Variants in ARHGAP42 observed in about 807,000 individuals in gnomAD.
ARHGAP42 encodes the protein Rho GTPase activating protein 42, also known as rho GTPase-activating protein 42.
A neutral mutation model predicts 125.0 loss-of-function variants in ARHGAP42; 63 were observed. That is an observed-to-expected ratio of 0.50 (90% confidence interval 0.41 to 0.62). The LOEUF (loss-of-function observed/expected upper bound fraction) is 0.62, where lower values mean the gene tolerates loss of function less well. Ranked by LOEUF, ARHGAP42 falls within the 20% of genes least tolerant of loss-of-function variation. The probability of loss-of-function intolerance (pLI) is 0.00; values close to 1 mark genes in which losing one functional copy is unlikely to be tolerated. For synonymous variants in ARHGAP42, 339 were observed against 351.0 expected, an observed-to-expected ratio of 0.97 and a Z score of 0.38; for missense variants, 766 against 1,024.2, an observed-to-expected ratio of 0.75 and a Z score of 3.44.
At chr11:100,901,955 G>A (rs780129986) in intron 4 of ARHGAP42, among the ~76,000 whole-genome samples, 3 of 152,212 alleles carry the variant, frequency 2.0e-5, no homozygotes, top group African/African-American at 7.2e-5. Context: ...GATGAACCAG[G>A]TACCTCAGTG....
At position 100,877,791 on chromosome 11, in the gene ARHGAP42, G is replaced by T. The variant is rs906954649; in HGVS notation, c.384+18166G>T. ...GGAGGCTGAGGCAGGCAGATCACGA[G>T]GTCAGGAGTTCGAGACCAATCTGGC... On this transcript the variant is annotated intron_variant, in intron 4 of 23. Transcript: ENST00000298815. 2.0e-5 allele frequency among the ~76,000 whole-genome samples: 3 copies of T among 152,050 alleles called. No homozygotes were observed. The East Asian group carries it at 5.8e-4, about 30-fold the overall frequency.
intron 21 of ARHGAP42, among the ~76,000 whole-genome samples, chr11:100,977,695 A>C (rs78941868): frequency 2.4e-4 from 37 of 152,302 alleles, no homozygotes; most frequent in Non-Finnish European, 4.7e-4. Context: ...TACATGAGTT[A>C]TCTCTTTTAA....
chr11:100,861,241 G>A (rs575925748), intron 4 of ARHGAP42, among the ~76,000 whole-genome samples: 3 of 152,314 alleles, frequency 2.0e-5, no homozygotes, highest in African/African-American at 7.2e-5. Context: ...GGGAATGAAT[G>A]AAGGTTTTCT....
intron 4 of ARHGAP42, among the ~76,000 whole-genome samples, chr11:100,878,657 G>A (rs994867301): frequency 5.3e-5 from 8 of 152,302 alleles, no homozygotes; most frequent in African/African-American, 2.4e-5. Context: ...CAGGGGACAT[G>A]CGGAGATTAG....
At chr11:100,841,070 C>T (rs951639343) in intron 3 of ARHGAP42, among the ~76,000 whole-genome samples, 3 of 152,122 alleles carry the variant, frequency 2.0e-5, no homozygotes, top group Admixed American at 6.6e-5. Context: ...CCATGAAATA[C>T]GGTCTCTTGA....
intron 1 of ARHGAP42, among the ~76,000 whole-genome samples, chr11:100,717,584 C>G (rs942793124): frequency 6.8e-6 from 1 of 147,710 alleles, no homozygotes; most frequent in African/African-American, 2.5e-5. Flanking sequence ...TGGTAGTGAG[C>G]CGAGATTGTG....
At chr11:100,755,123 T>C (rs887686348) in intron 1 of ARHGAP42, among the ~76,000 whole-genome samples, 2 of 152,176 alleles carry the variant, frequency 1.3e-5, no homozygotes, top group East Asian at 3.9e-4. Flanking sequence ...GGCAGATTAG[T>C]GAGTTAAATA....
intron 17 of ARHGAP42, among the ~76,000 whole-genome samples, chr11:100,968,297 T>C (rs1858151015): frequency 6.6e-6 from 1 of 152,174 alleles, no homozygotes; most frequent in South Asian, 2.1e-4. Flanking sequence ...CATTTAATGT[T>C]ATTATTGATG....
At chr11:100,916,157 G>A (rs1233756436) in intron 5 of ARHGAP42, among the ~76,000 whole-genome samples, 1 of 152,188 alleles carries the variant, frequency 6.6e-6, no homozygotes, top group Non-Finnish European at 1.5e-5. Context: ...GGCCATTGGA[G>A]TAAACAGTTG....
At chr11:100,689,521 G>A (rs562897094) in intron 1 of ARHGAP42, among the ~76,000 whole-genome samples, 2 of 152,238 alleles carry the variant, frequency 1.3e-5, no homozygotes, top group South Asian at 2.1e-4. Flanking sequence ...ATTATATTAC[G>A]AGTGACATTA....
chr11:100,902,654 C>T (rs895878585), intron 4 of ARHGAP42, among the ~76,000 whole-genome samples: 52 of 152,092 alleles, frequency 3.4e-4, no homozygotes, highest in African/African-American at 1.2e-3. Context: ...GGAGTATCAC[C>T]CCTTGTCCCT....
chr11:100,780,083 A>T (rs1207426207), intron 2 of ARHGAP42, among the ~76,000 whole-genome samples: 1 of 151,998 alleles, frequency 6.6e-6, no homozygotes, highest in East Asian at 1.9e-4. Context: ...AATAAATTTT[A>T]AACCAGAGTT....
rs1433451169 is a variant in ARHGAP42, at chr11:100,991,511, A to T, written c.*2710A>T. On this transcript the variant is annotated 3_prime_UTR_variant, in exon 24 of 24. Coordinates refer to ENST00000298815, the MANE Select transcript of ARHGAP42 (RefSeq NM_152432.4). Reference sequence around the variant, plus strand: ...ACGGTATAATCAGTATGATGATGAGATTGAGGGGGTCTAAATTTAAGTTCC... The same window carrying T: ...ACGGTATAATCAGTATGATGATGAGTTTGAGGGGGTCTAAATTTAAGTTCC... 6.6e-6 allele frequency: 1 copy of T among 152,130 alleles called. No homozygotes were observed. The highest frequency in any genetic ancestry group is 1.5e-5 in the Non-Finnish European group (1 of 68,024). The allele number at this position is 152,130 out of a possible 1,614,324, so 9.4% of individuals were successfully genotyped here. A position where few individuals can be genotyped will look rare whatever the true frequency, so the allele number is the denominator to read the frequency against.
chr11:100,778,314 T>C (rs1863179939), intron 2 of ARHGAP42, among the ~76,000 whole-genome samples: 1 of 152,192 alleles, frequency 6.6e-6, no homozygotes, highest in African/African-American at 2.4e-5. Context: ...TGTGATATTT[T>C]ATTAAATTTG....
chr11:100,948,617 A>G, intron 11 of ARHGAP42, 82 bp downstream of exon 11: 1 of 1,092,884 alleles, frequency 9.2e-7, no homozygotes, highest in East Asian at 2.7e-5. Flanking sequence ...ATAGTATACA[A>G]TGTTTTGCCT....
chr11:100,892,052 A>G (rs562524181), intron 4 of ARHGAP42, among the ~76,000 whole-genome samples: 110 of 152,342 alleles, frequency 7.2e-4, no homozygotes, highest in African/African-American at 2.5e-3. Flanking sequence ...ATGAAGTTCC[A>G]AGTGTTGGAG....
chr11:100,772,307 C>T (rs949369697), intron 2 of ARHGAP42, among the ~76,000 whole-genome samples: 26 of 152,208 alleles, frequency 1.7e-4, no homozygotes, highest in Non-Finnish European at 4.4e-5. Context: ...GGGCAGGGTA[C>T]AGAGTCCTTA....
intron 21 of ARHGAP42, 70 bp from the exon 22 acceptor site, chr11:100,978,917 A>G: frequency 6.8e-7 from 1 of 1,478,220 alleles, no homozygotes; most frequent in African/African-American, 1.4e-5. Context: ...ACTGGCAATC[A>G]TGAATTTCAC....
rs117476337 is a variant in ARHGAP42 at position 100,833,343 on chromosome 11, A to G, written c.313-26211A>G. Among the ~76,000 whole-genome samples the G allele has an allele frequency of 2.7e-4, 41 of 152,334 alleles. No individual in the cohort carries two copies. The East Asian group carries it at 6.6e-3, about 24-fold the overall frequency. The stretch of plus-strand genomic sequence containing the variant: ...AGTATTTTAAGAAGAAATACATAAG[A>G]TAGTATTCTGGTTTTCCAATGCTGT... On this transcript the variant is annotated intron_variant, in intron 3 of 23. Transcript: ENST00000298815.
Sources: allele counts gnomAD v4.1 joint callset (sites outside exome capture counted in the v4.1 genomes callset), GRCh38; gene constraint gnomAD v4.1.1; transcripts MANE v1.5; gene names NCBI Gene and HGNC (gene_info 2026-07-23, HGNC 2026-07-21).